RASSF8: variants seen among roughly 807,000 people sequenced by gnomAD.
RASSF8 encodes Ras association domain family member 8, also known as ras association domain-containing protein 8.
A neutral mutation model predicts 48.5 loss-of-function variants in RASSF8; 22 were observed. That is an observed-to-expected ratio of 0.45 (90% CI 0.32 to 0.65). The LOEUF (loss-of-function observed/expected upper bound fraction) is 0.65. Ranked by LOEUF, RASSF8 falls within the 30% of genes least tolerant of loss-of-function variation. The pLI, the probability that RASSF8 is intolerant of heterozygous loss-of-function variation, is 0.03. For missense variants in RASSF8, 418 were observed against 489.2 expected (o/e 0.85, Z 1.37); for synonymous variants, 127 against 171.5 (o/e 0.74, Z 2.03).
rs10550687 is a variant in RASSF8 at position 25,968,323 on chromosome 12, CTTTG to C, written c.-203+9178_-203+9181del. Among the ~76,000 whole-genome samples the C allele has an allele frequency of 7.0e-3, 1,073 of 152,204 alleles. 16 individuals carry two copies. The highest frequency in any genetic ancestry group is 0.025 in the African/African-American group (1,027 of 41,538). ...CGTTGCTTCCTTGGCATCACTCTTT[CTTTG>C]TTCTTTATTTTTTATTTATTTATTT... On this transcript the variant is annotated intron_variant, in intron 1 of 5. Coordinates refer to ENST00000689635, the MANE Select transcript of RASSF8 (RefSeq NM_001394098.1).
intron 2 of RASSF8, among the ~76,000 whole-genome samples, chr12:26,013,275 T>G (rs1942572549): frequency 6.6e-6 from 1 of 152,218 alleles, no homozygotes; most frequent in East Asian, 1.9e-4. Context: ...AAAATGTGGC[T>G]TCTCTAGTGA....
In RASSF8 at chr12:26,070,085, GC is replaced by G. The variant is rs1943968736; in HGVS notation, c.*1269del. On this transcript the variant is annotated 3_prime_UTR_variant, in exon 6 of 6. Transcript: ENST00000689635. ...GACAGATTCAGTCAGACACCACTTA[GC>G]CATTTTTACATTCCCTCTGGTTAGA... is the stretch of plus-strand genomic sequence containing the variant. 4 of 981,822 alleles carry G rather than the reference GC, an allele frequency of 4.1e-6. No individual in the cohort carries two copies. In the African/African-American group the frequency reaches 7.0e-5, roughly 17 times the overall value. The allele number at this position is 981,822 out of a possible 1,614,324, so 60.8% of individuals were successfully genotyped here.
intron 1 of RASSF8, chr12:25,973,872 C>A (rs1941541110): frequency 6.6e-6 from 1 of 152,184 alleles, no homozygotes; most frequent in Admixed American, 6.5e-5. Flanking sequence ...GTGAGAAATA[C>A]AAGTTTCTGT....
intron 1 of RASSF8, among the ~76,000 whole-genome samples, chr12:25,968,984 A>G (rs1013008381): frequency 6.6e-6 from 1 of 152,178 alleles, no homozygotes; most frequent in African/African-American, 2.4e-5. Flanking sequence ...TACAGGAAGA[A>G]CGCTCCAGAT....
At chr12:26,078,897 CA>C (rs572881699) in intron 5 of RASSF8, 823 of 643,832 alleles carry the variant, frequency 1.3e-3, no homozygotes, top group South Asian at 1.7e-3. Context: ...AGAAGGTTCT[CA>C]AAAAAAAAGG....
intron 2 of RASSF8, among the ~76,000 whole-genome samples, chr12:26,033,004 G>C (rs2137116602): frequency 6.6e-6 from 1 of 152,344 alleles, no homozygotes; most frequent in South Asian, 2.1e-4. Flanking sequence ...AGCAATGTAT[G>C]CTGTGATCTT....
chr12:26,035,469 TATTATATA>T (rs1487842055), intron 2 of RASSF8, among the ~76,000 whole-genome samples: 7 of 109,674 alleles, frequency 6.4e-5, no homozygotes, highest in South Asian at 2.8e-4. Context: ...TATATAATTA[TATTATATA>T]ATTATATAAT....
At chr12:26,034,232 A>C (rs1425594786) in intron 2 of RASSF8, among the ~76,000 whole-genome samples, 4 of 152,060 alleles carry the variant, frequency 2.6e-5, no homozygotes, top group Admixed American at 2.6e-4. Flanking sequence ...TTGGGGGTGA[A>C]GGAGTAGGAG....
intron 3 of RASSF8, 41 bp downstream of exon 3, chr12:26,055,487 C>T (rs368040863): frequency 2.0e-6 from 3 of 1,479,536 alleles, no homozygotes; most frequent in Non-Finnish European, 2.8e-6. Flanking sequence ...GTACATTGTG[C>T]TTTCTTTCGT....
chr12:26,058,560 A>ACG (rs996254297), intron 3 of RASSF8, among the ~76,000 whole-genome samples: 1 of 151,160 alleles, frequency 6.6e-6, no homozygotes, highest in African/African-American at 2.4e-5. Context: ...ACACACACAC[A>ACG]CAGAGTGTAT....
exon 6 of RASSF8, chr12:26,079,438 A>C: frequency 6.5e-6 from 1 of 154,340 alleles, no homozygotes; most frequent in Non-Finnish European, 1.4e-5. Flanking sequence ...AAAAATATGA[A>C]ACATTAGCCA....
At position 26,071,164 on chromosome 12, in the gene RASSF8, G is replaced by A. The variant is rs1943991918; in HGVS notation, c.*2346G>A. 2 of 974,316 alleles carry A rather than the reference G, an allele frequency of 2.1e-6. No homozygotes were observed. The highest frequency in any genetic ancestry group is 9.5e-5 in the South Asian group (2 of 21,066). The allele number at this position is 974,316 out of a possible 1,614,324, so 60.4% of individuals were successfully genotyped here. ...TTACTTCTGGAAGCACATATCTAAG[G>A]AATATTTTCTAAGACTCAGAGGGAA... is the stretch of plus-strand genomic sequence containing the variant. On this transcript the variant is annotated 3_prime_UTR_variant, in exon 6 of 6. Coordinates refer to ENST00000689635, the MANE Select transcript of RASSF8 (RefSeq NM_001394098.1).
intron 2 of RASSF8, among the ~76,000 whole-genome samples, chr12:26,025,579 A>G (rs953576404): frequency 4.6e-5 from 7 of 151,482 alleles, no homozygotes; most frequent in Non-Finnish European, 8.8e-5. Flanking sequence ...AAAAAAAAAA[A>G]AGCATTCAGA....
chr12:26,000,099 A>C (rs1357787800), intron 2 of RASSF8, among the ~76,000 whole-genome samples: 1 of 152,248 alleles, frequency 6.6e-6, no homozygotes, highest in Non-Finnish European at 1.5e-5. Context: ...ATAAGAGCCA[A>C]GAAATGTTTA....
intron 2 of RASSF8, among the ~76,000 whole-genome samples, chr12:26,003,767 A>G (rs1431351466): frequency 3.3e-5 from 5 of 152,146 alleles, no homozygotes; most frequent in Admixed American, 3.3e-4. Flanking sequence ...GAAATTTTAT[A>G]TATAGATTAT....
At position 25,973,192 on chromosome 12, in the gene RASSF8, A is replaced by G. The variant is rs58752406; in HGVS notation, c.-203+14044A>G. ...GAATAAGCAAATATTCTGTAATCAT[A>G]AAAAGATCGCTATTTTTTTTTTTTT... On this transcript the variant is annotated intron_variant, in intron 1 of 5. Transcript: ENST00000689635. Among the ~76,000 whole-genome samples the G allele has an allele frequency of 2.1e-3, 307 of 145,624 alleles. 1 individual carries two copies. Among genetic ancestry groups the G allele is most frequent in the African/African-American group, 7.8e-3 (296 of 38,006 alleles).
At chr12:26,031,408 A>G (rs1056866281) in intron 2 of RASSF8, among the ~76,000 whole-genome samples, 1 of 152,156 alleles carries the variant, frequency 6.6e-6, no homozygotes, top group Non-Finnish European at 1.5e-5. Flanking sequence ...CATCCTCATC[A>G]TGATGGTGTG....
intron 2 of RASSF8, among the ~76,000 whole-genome samples, chr12:25,997,921 G>C (rs1193005721): frequency 6.6e-6 from 1 of 152,106 alleles, no homozygotes; most frequent in Non-Finnish European, 1.5e-5. Flanking sequence ...AATGAAAAAA[G>C]TTCAGCTGTT....
chr12:25,973,797 G>A (rs1301641071), intron 1 of RASSF8: 1 of 152,248 alleles, frequency 6.6e-6, no homozygotes, highest in Admixed American at 6.5e-5. Context: ...GAACCAAAAA[G>A]TGAGCCCTTG....
Sources: gnomAD v4.1 joint callset for allele counts (sites outside exome capture counted in the v4.1 genomes callset) on GRCh38, gnomAD v4.1.1 for gene constraint, MANE v1.5 for transcripts, NCBI Gene and HGNC (gene_info 2026-07-23, HGNC 2026-07-21) for gene names.